ZNF461: variants seen among roughly 807,000 people sequenced by gnomAD.
ZNF461 encodes gonadotropin-inducible ovarian transcription factor-1.
A neutral mutation model predicts 18.3 loss-of-function variants in ZNF461; 16 were observed. That is an observed-to-expected ratio of 0.88 (90% CI 0.59 to 1.33). The LOEUF (loss-of-function observed/expected upper bound fraction) is 1.33, where lower values mean the gene tolerates loss of function less well. Ranked by LOEUF, ZNF461 falls within the 40% of genes most tolerant of loss-of-function variation. The pLI, the probability that ZNF461 is intolerant of heterozygous loss-of-function variation, is 0.00. For missense variants in ZNF461, 595 were observed against 669.9 expected (o/e 0.89, Z 1.23); for synonymous variants, 179 against 216.9 (o/e 0.83, Z 1.54).
At chr19:36,642,678 ACTT>A (rs1205554730) in intron 5 of ZNF461, among the ~76,000 whole-genome samples, 5 of 137,256 alleles carry the variant, frequency 3.6e-5, no homozygotes, top group Admixed American at 2.4e-4. Flanking sequence ...AGGAAGTTAG[ACTT>A]CTTTTTTTTT....
intron 2 of ZNF461, among the ~76,000 whole-genome samples, chr19:36,660,148 CTTT>C (rs35264079): frequency 2.5e-5 from 3 of 118,532 alleles, no homozygotes; most frequent in Admixed American, 8.8e-5. Flanking sequence ...TCTCTAAAAT[CTTT>C]TTTTTTTTTT....
chr19:36,658,872 T>G (rs968901267), intron 2 of ZNF461, among the ~76,000 whole-genome samples: 1 of 152,192 alleles, frequency 6.6e-6, no homozygotes, highest in Non-Finnish European at 1.5e-5. Context: ...AGACTATATT[T>G]TCCATAGATG....
At chr19:36,650,933 A>G (rs552366078) in intron 4 of ZNF461, among the ~76,000 whole-genome samples, 4 of 150,302 alleles carry the variant, frequency 2.7e-5, no homozygotes, top group Non-Finnish European at 5.9e-5. Flanking sequence ...TAAAGTATCT[A>G]CAAAATTCCT....
Position 36,639,557 on chromosome 19 carries a change from T to A in ZNF461, c.788A>T (p.His263Leu). Residue 263 changes from histidine (H) to leucine (L), a missense_variant, in exon 6 of 6, where the codon CAT becomes CTT. Physicochemically the swap from His to Leu is moderately conservative, Grantham distance 99. Coordinates refer to ENST00000588268, the MANE Select transcript of ZNF461 (RefSeq NM_153257.5). ...TTTTTCACCATTATGAATTCTTAGATGTTTAAGTTGTGAGCAATGAACAAA... is the reference window on the plus strand; with the variant it reads ...TTTTTCACCATTATGAATTCTTAGAAGTTTAAGTTGTGAGCAATGAACAAA... ...KAFVHCSQLKHLRIHNGEKRY... is the reference protein window; with the variant it reads ...KAFVHCSQLKLLRIHNGEKRY... 2 of 1,613,210 alleles carry A rather than the reference T, an allele frequency of 1.2e-6. No homozygotes were observed. Among genetic ancestry groups the A allele is most frequent in the Non-Finnish European group, 1.7e-6 (2 of 1,179,396 alleles).
chr19:36,643,898 G>A, intron 4 of ZNF461, 36 bp from the exon 5 acceptor site: 1 of 1,380,986 alleles, frequency 7.2e-7, no homozygotes, highest in East Asian at 2.6e-5. Context: ...CTTCATTTTA[G>A]AATAATATTT....
At chr19:36,642,290 T>C (rs2037439482) in intron 5 of ZNF461, among the ~76,000 whole-genome samples, 1 of 152,142 alleles carries the variant, frequency 6.6e-6, no homozygotes, top group South Asian at 2.1e-4. Flanking sequence ...AGGCATTCCT[T>C]ACTTGGCATT....
In ZNF461 at chr19:36,639,637, T is replaced by G; in HGVS notation, c.708A>C (p.Gln236His). The change falls in exon 6 of 6, where the codon CAA becomes CAC. Residue 236 changes from glutamine (Q) to histidine (H), a missense_variant. By Grantham distance (24) the Gln-to-His change is conservative. Transcript: ENST00000588268. Reference protein sequence around the residue: ...EIVNTPCLFKQQTIQNGDKCN... With the variant: ...EIVNTPCLFKHQTIQNGDKCN... ...ATTTGTCACCATTTTGAATTGTCTG[T>G]TGTTTAAAAAGGCATGGTGTATTAA... The G allele has an allele frequency of 1.2e-6, 2 of 1,613,796 alleles. No individual in the cohort carries two copies. The highest frequency in any genetic ancestry group is 1.7e-6 in the Non-Finnish European group (2 of 1,179,776).
At chr19:36,641,567 G>GC (rs1449264384) in intron 5 of ZNF461, among the ~76,000 whole-genome samples, 1 of 138,070 alleles carries the variant, frequency 7.2e-6, no homozygotes, top group Non-Finnish European at 1.7e-5. Context: ...ATATATATAT[G>GC]TTTTTTTACC....
Position 36,638,951 on chromosome 19 carries a change from C to T in ZNF461, c.1394G>A (p.Gly465Asp). Residue 465 changes from glycine (G) to aspartate (D), a missense_variant, in exon 6 of 6, where the codon GGT becomes GAT. Physicochemically the swap from Gly to Asp is moderately conservative, Grantham distance 94 (BLOSUM62 -1). Transcript: ENST00000588268. ...TATCATGCATTCATGAGGTTTCTCA[C>T]CAGTATGAATTCTCTGATGTCTTTT... ...HLKRHQRIHT[G>D]EKPHECMICG... 2 of 1,613,996 alleles carry T rather than the reference C, an allele frequency of 1.2e-6. No individual in the cohort carries two copies. The highest frequency in any genetic ancestry group is 1.7e-6 in the Non-Finnish European group (2 of 1,180,006).
chr19:36,666,091 TTTTG>T (rs1456916661), intron 1 of ZNF461, among the ~76,000 whole-genome samples: 9 of 142,382 alleles, frequency 6.3e-5, no homozygotes, highest in African/African-American at 1.8e-4. Flanking sequence ...GTGAATGTTT[TTTTG>T]TTTTTTTTTT....
At chr19:36,658,757 C>T (rs553859476) in intron 2 of ZNF461, among the ~76,000 whole-genome samples, 1 of 152,266 alleles carries the variant, frequency 6.6e-6, no homozygotes, top group East Asian at 1.9e-4. Context: ...TTATTAAAAT[C>T]TCTATCTTGA....
At chr19:36,657,480 CA>C (rs1241018643) in intron 3 of ZNF461, among the ~76,000 whole-genome samples, 1 of 140,800 alleles carries the variant, frequency 7.1e-6, no homozygotes. Flanking sequence ...AACTCTGTCT[CA>C]AAAAAAAATT....
At chr19:36,660,990 T>C (rs1165991585) in intron 2 of ZNF461, among the ~76,000 whole-genome samples, 1 of 151,840 alleles carries the variant, frequency 6.6e-6, no homozygotes, top group Non-Finnish European at 1.5e-5. Context: ...GAAGGGGAAA[T>C]AGAAGTATCC....
intron 4 of ZNF461, among the ~76,000 whole-genome samples, chr19:36,648,832 C>T (rs538112253): frequency 1.6e-4 from 24 of 152,270 alleles, no homozygotes; most frequent in Admixed American, 1.3e-3. Flanking sequence ...CCACCTGCTT[C>T]GGCCTCCCAA....
rs1209426366 is a variant in ZNF461, at chr19:36,637,202, T to C, written c.*1451A>G. 1 of 151,388 alleles carries C rather than the reference T, an allele frequency of 6.6e-6. No individual in the cohort carries two copies. Among genetic ancestry groups the C allele is most frequent in the East Asian group, 1.9e-4 (1 of 5,168 alleles). The allele number at this position is 151,388 out of a possible 1,614,324, so 9.4% of individuals were successfully genotyped here. ...GTTGTGTTTTGACAATTTTCTTTTT[T>C]TTTTTTCTTTTTGAGACAGAGTCTC... is the stretch of plus-strand genomic sequence containing the variant. On this transcript the variant is annotated 3_prime_UTR_variant, in exon 6 of 6. Transcript: ENST00000588268.
chr19:36,650,409 T>G (rs2037605996), intron 4 of ZNF461, among the ~76,000 whole-genome samples: 1 of 152,144 alleles, frequency 6.6e-6, no homozygotes, highest in Non-Finnish European at 1.5e-5. Flanking sequence ...ATAGGCAATC[T>G]GAATAGTCCT....
In ZNF461 at chr19:36,638,687, G is replaced by A; in HGVS notation, c.1658C>T (p.Pro553Leu). The stretch of plus-strand genomic sequence containing the variant: ...TAGACTAGGATGGGGAGGGAGGAGA[G>A]GAAACCTGACTGGCTTCTCGCCAGT... Reference protein sequence around the residue: ...LHTGEKPVRFPLLPPHPSLAS With the variant: ...LHTGEKPVRFLLLPPHPSLAS Residue 553 changes from proline (P) to leucine (L), a missense_variant, in exon 6 of 6, where the codon CCT (proline) becomes CTT (leucine). Pro to Leu is a moderately conservative substitution (Grantham distance 98). Coordinates refer to ENST00000588268, the MANE Select transcript of ZNF461 (RefSeq NM_153257.5). 1.2e-6 allele frequency: 2 copies of A among 1,612,780 alleles called. No homozygotes were observed. The highest frequency in any genetic ancestry group is 8.5e-7 in the Non-Finnish European group (1 of 1,179,108).
rs764891583 is a variant in ZNF461 at position 36,639,407 on chromosome 19, C to T, written c.938G>A (p.Arg313Gln). ...TCTCTGATGTTGAGTAAGCTGTGAT[C>T]GCTGTCTAAAGGCCTTCCCACATTC... is the stretch of plus-strand genomic sequence containing the variant. ...CKECGKAFRQ[R>Q]SQLTQHQRLH... is the part of the protein sequence containing the mutation. The change falls in exon 6 of 6, where the codon CGA becomes CAA. Residue 313 changes from arginine (R) to glutamine (Q), a missense_variant. Arg to Gln is a conservative substitution (Grantham distance 43). Coordinates refer to ENST00000588268, the MANE Select transcript of ZNF461 (RefSeq NM_153257.5). The T allele has an allele frequency of 2.5e-5, 41 of 1,612,398 alleles. No homozygotes were observed. Among genetic ancestry groups the T allele is most frequent in the East Asian group, 6.7e-5 (3 of 44,746 alleles).
At chr19:36,664,588 T>G in intron 2 of ZNF461, 110 bp downstream of exon 2, 1 of 799,976 alleles carries the variant, frequency 1.3e-6, no homozygotes, top group Non-Finnish European at 1.8e-6. Context: ...AGCGAGGCTA[T>G]GTCTCAAAAA....
Sources: gnomAD v4.1 joint callset for allele counts (sites outside exome capture counted in the v4.1 genomes callset) on GRCh38, gnomAD v4.1.1 for gene constraint, MANE v1.5 for transcripts, NCBI Gene and HGNC (gene_info 2026-07-23, HGNC 2026-07-21) for gene names.